The following THSD7B variants were observed in gnomAD, a reference collection of about 807,000 sequenced individuals.
THSD7B encodes the protein thrombospondin type-1 domain-containing protein 7B.
THSD7B carries 138 observed loss-of-function variants against 213.6 expected under a neutral mutation model. The observed-to-expected ratio is 0.65, with a 90% CI of 0.56 to 0.74. The LOEUF is 0.74. THSD7B is among the 30% of genes least tolerant of loss of function. THSD7B has a pLI of 0.00. For synonymous variants in THSD7B, 742 were observed against 687.0 expected, an observed-to-expected ratio of 1.08 and a Z score of -1.25; for missense variants, 1,931 against 1,991.5, an observed-to-expected ratio of 0.97 and a Z score of 0.58.
intron 12 of THSD7B, among the ~76,000 whole-genome samples, chr2:137,305,865 T>C (rs1182401914): frequency 1.3e-5 from 2 of 152,156 alleles, no homozygotes; most frequent in African/African-American, 2.4e-5. Context: ...CCTAAGGCTA[T>C]ATGGTATGAC....
intron 12 of THSD7B, among the ~76,000 whole-genome samples, chr2:137,339,516 T>C (rs973902550): frequency 1.3e-5 from 2 of 151,774 alleles, no homozygotes; most frequent in African/African-American, 2.4e-5. Flanking sequence ...AATTGAAAAA[T>C]AATAATTCAA....
intron 15 of THSD7B, among the ~76,000 whole-genome samples, chr2:137,528,340 C>G (rs978159275): frequency 1.1e-4 from 16 of 152,084 alleles, no homozygotes; most frequent in African/African-American, 3.9e-4. Flanking sequence ...GCTGCCATGT[C>G]ATTTCAACCC....
At chr2:136,984,091 T>G (rs1003726674) in intron 2 of THSD7B, among the ~76,000 whole-genome samples, 1 of 152,144 alleles carries the variant, frequency 6.6e-6, no homozygotes, top group Non-Finnish European at 1.5e-5. Context: ...AAATATTGGA[T>G]AAGCACCAAC....
intron 12 of THSD7B, among the ~76,000 whole-genome samples, chr2:137,398,183 C>A (rs1195021242): frequency 1.3e-5 from 2 of 150,414 alleles, no homozygotes; most frequent in African/African-American, 4.9e-5. Context: ...CATTCTCCAT[C>A]CAGCTTTGTT....
At chr2:137,257,441 T>G (rs565015680) in intron 10 of THSD7B, among the ~76,000 whole-genome samples, 27 of 152,326 alleles carry the variant, frequency 1.8e-4, no homozygotes, top group Non-Finnish European at 3.7e-4. Flanking sequence ...TGTGAGCTTC[T>G]AAGGAGTAAA....
At chr2:136,838,722 G>C (rs1682877840) in intron 1 of THSD7B, among the ~76,000 whole-genome samples, 1 of 152,188 alleles carries the variant, frequency 6.6e-6, no homozygotes, top group South Asian at 2.1e-4. Context: ...ACTGGGGGTG[G>C]CCATTTTGAT....
rs118153542 is a variant in THSD7B, at chr2:136,838,945, C to T, written c.-35-43199C>T. Among the ~76,000 whole-genome samples the T allele has an allele frequency of 1.4e-4, 21 of 152,240 alleles. No homozygotes were observed. In the East Asian group the frequency reaches 3.7e-3, roughly 27 times the overall value. On this transcript the variant is annotated intron_variant, in intron 1 of 27. Coordinates refer to ENST00000409968, the MANE Select transcript of THSD7B (RefSeq NM_001316349.2). ...TTCATTCTCTCAGCTCCTGGAAAGC[C>T]GTGGATGGTGAAGGAGGATATTAGG... is the stretch of plus-strand genomic sequence containing the variant.
chr2:137,382,397 C>A (rs188284704), intron 12 of THSD7B, among the ~76,000 whole-genome samples: 108 of 152,320 alleles, frequency 7.1e-4, no homozygotes, highest in African/African-American at 2.3e-3. Context: ...ACCAGGAGTG[C>A]CCATTTGAGC....
intron 12 of THSD7B, among the ~76,000 whole-genome samples, chr2:137,295,561 C>T (rs964657682): frequency 6.0e-5 from 9 of 150,460 alleles, no homozygotes; most frequent in African/African-American, 1.2e-4. Flanking sequence ...CTGCAACCTC[C>T]TACTCCCTGG....
chr2:137,671,942 T>C (rs543614214), intron 27 of THSD7B, among the ~76,000 whole-genome samples: 1 of 152,312 alleles, frequency 6.6e-6, no homozygotes, highest in East Asian at 1.9e-4. Context: ...AACTTGTTCA[T>C]GTCTCTTTTG....
intron 10 of THSD7B, among the ~76,000 whole-genome samples, chr2:137,265,114 G>T (rs1682556820): frequency 6.6e-6 from 1 of 152,220 alleles, no homozygotes; most frequent in Non-Finnish European, 1.5e-5. Flanking sequence ...TACTGAGAAT[G>T]ATGATTTCCA....
At chr2:137,389,431 C>CTTTTTTTTTT (rs1685969854) in intron 12 of THSD7B, among the ~76,000 whole-genome samples, 3 of 31,168 alleles carry the variant, frequency 9.6e-5, no homozygotes, top group South Asian at 8.8e-4. Context: ...TTTTTTTTTG[C>CTTTTTTTTTT]TGTGCAGTTG....
intron 2 of THSD7B, among the ~76,000 whole-genome samples, chr2:137,048,083 G>GT (rs1287410671): frequency 6.6e-6 from 1 of 151,250 alleles, no homozygotes; most frequent in Non-Finnish European, 1.5e-5. Flanking sequence ...AACAGGCCCT[G>GT]TTGTGTGATG....
chr2:137,639,536 T>C (rs185247623), intron 20 of THSD7B, among the ~76,000 whole-genome samples: 1 of 152,250 alleles, frequency 6.6e-6, no homozygotes, highest in African/African-American at 2.4e-5. Context: ...AAGAGGGCCA[T>C]TGTTCTACAT....
intron 14 of THSD7B, among the ~76,000 whole-genome samples, chr2:137,412,607 A>C (rs1419012382): frequency 1.4e-5 from 2 of 146,796 alleles, no homozygotes; most frequent in African/African-American, 5.0e-5. Context: ...CAAAAAAAAA[A>C]AAACAAAAAA....
intron 12 of THSD7B, among the ~76,000 whole-genome samples, chr2:137,297,481 T>G (rs1384418409): frequency 6.6e-6 from 1 of 151,892 alleles, no homozygotes; most frequent in Admixed American, 6.6e-5. Context: ...TACTCAGATA[T>G]CTAAAAAGGA....
chr2:136,949,006 C>T (rs1410071601), intron 2 of THSD7B, among the ~76,000 whole-genome samples: 1 of 152,138 alleles, frequency 6.6e-6, no homozygotes, highest in East Asian at 1.9e-4. Flanking sequence ...AGGGGTCTCA[C>T]TCTGTTTCCT....
At chr2:137,117,631 T>A (rs959445132) in intron 5 of THSD7B, among the ~76,000 whole-genome samples, 1 of 152,134 alleles carries the variant, frequency 6.6e-6, no homozygotes, top group Non-Finnish European at 1.5e-5. Flanking sequence ...TGGAGTGTGA[T>A]TGTGATTGCT....
At chr2:137,093,834 A>G (rs1687994193) in intron 3 of THSD7B, among the ~76,000 whole-genome samples, 1 of 152,164 alleles carries the variant, frequency 6.6e-6, no homozygotes, top group Non-Finnish European at 1.5e-5. Context: ...ATATGTATAC[A>G]TGTGCCATGC....
Sources: allele counts gnomAD v4.1 joint callset (sites outside exome capture counted in the v4.1 genomes callset), GRCh38; gene constraint gnomAD v4.1.1; transcripts MANE v1.5; gene names NCBI Gene and HGNC (gene_info 2026-07-23, HGNC 2026-07-21).